Variants in LNX1 observed in about 807,000 individuals in gnomAD.
The protein encoded by LNX1 is ligand of numb-protein X 1.
LNX1 carries 54 observed loss-of-function variants against 68.4 expected under a neutral mutation model. The observed-to-expected ratio is 0.79, with a 90% CI of 0.63 to 0.99. The LOEUF (loss-of-function observed/expected upper bound fraction) is 0.99, where lower values mean the gene tolerates loss of function less well. Among genes scored for constraint, LNX1 ranks in the 50% least tolerant of loss-of-function variants. The probability of loss-of-function intolerance (pLI) is 0.00; values close to 1 mark genes in which losing one functional copy is unlikely to be tolerated. For synonymous variants in LNX1, 336 were observed against 350.0 expected, an observed-to-expected ratio of 0.96 and a Z score of 0.45; for missense variants, 906 against 926.4, an observed-to-expected ratio of 0.98 and a Z score of 0.29.
intron 2 of LNX1, among the ~76,000 whole-genome samples, chr4:53,512,508 G>GTGTGTGTGTGTGTGTA (rs371399015): frequency 0.019 from 2,868 of 149,350 alleles, 41 homozygotes; most frequent in Middle Eastern, 0.066. Flanking sequence ...GTGTGTGTGT[G>GTGTGTGTGTGTGTGTA]TGTGTGTGTG....
At chr4:53,467,433 C>A (rs573497165) in intron 9 of LNX1, among the ~76,000 whole-genome samples, 1 of 152,250 alleles carries the variant, frequency 6.6e-6, no homozygotes, top group Admixed American at 6.5e-5. Flanking sequence ...AATCAGAGCG[C>A]CTCTCCTCCT....
chr4:53,479,622 T>A (rs188783222), intron 7 of LNX1, among the ~76,000 whole-genome samples: 6 of 123,354 alleles, frequency 4.9e-5, no homozygotes, highest in Admixed American at 9.1e-5. Context: ...GAGTTACGTA[T>A]GAAAGAGATG....
At chr4:53,521,116 G>A (rs374250370) in intron 2 of LNX1, among the ~76,000 whole-genome samples, 1 of 152,202 alleles carries the variant, frequency 6.6e-6, no homozygotes, top group African/African-American at 2.4e-5. Context: ...TAACTGGAAA[G>A]GGTGGGTTTC....
chr4:53,489,124 T>C (rs561845916), intron 6 of LNX1, among the ~76,000 whole-genome samples: 63 of 152,306 alleles, frequency 4.1e-4, no homozygotes, highest in Admixed American at 1.9e-3. Context: ...CCTGATATAT[T>C]ATTAAAAAGT....
At chr4:53,563,093 C>G (rs1441107372) in intron 2 of LNX1, among the ~76,000 whole-genome samples, 1 of 152,126 alleles carries the variant, frequency 6.6e-6, no homozygotes, top group African/African-American at 2.4e-5. Flanking sequence ...GTATTCCCAG[C>G]TACTCGGGAG....
At chr4:53,533,356 T>A (rs1447599140) in intron 2 of LNX1, among the ~76,000 whole-genome samples, 1 of 152,230 alleles carries the variant, frequency 6.6e-6, no homozygotes, top group East Asian at 1.9e-4. Context: ...ACAGTCATTC[T>A]TAATCAGGGG....
intron 2 of LNX1, among the ~76,000 whole-genome samples, chr4:53,508,900 C>T (rs1171481802): frequency 1.3e-5 from 2 of 151,172 alleles, no homozygotes; most frequent in Non-Finnish European, 2.9e-5. Context: ...TGGTTTTTAG[C>T]AAAAACATAT....
At chr4:53,608,434 A>C (rs1560692386) in intron 2 of LNX1, among the ~76,000 whole-genome samples, 1 of 152,214 alleles carries the variant, frequency 6.6e-6, no homozygotes, top group Non-Finnish European at 1.5e-5. Context: ...CACCAGTCAG[A>C]ATGGCTATTA....
intron 1 of LNX1, chr4:53,579,379 T>C (rs966459733): frequency 2.3e-5 from 13 of 558,890 alleles, no homozygotes; most frequent in Admixed American, 6.3e-5. Context: ...TTTAGAGATA[T>C]ATGGAGCCAA....
At chr4:53,520,401 G>A (rs1179203715) in intron 2 of LNX1, among the ~76,000 whole-genome samples, 1 of 152,200 alleles carries the variant, frequency 6.6e-6, no homozygotes, top group African/African-American at 2.4e-5. Context: ...GGATGGTCGA[G>A]GGCTTGGGCA....
intron 2 of LNX1, among the ~76,000 whole-genome samples, chr4:53,534,415 G>A (rs1489219279): frequency 1.2e-4 from 6 of 50,310 alleles, no homozygotes; most frequent in African/African-American, 3.0e-4. Context: ...GAGGCAGGAG[G>A]GTCTCGAGCC....
At chr4:53,534,588 G>A (rs1728240176) in intron 2 of LNX1, among the ~76,000 whole-genome samples, 1 of 152,170 alleles carries the variant, frequency 6.6e-6, no homozygotes, top group Non-Finnish European at 1.5e-5. Flanking sequence ...GTTGCAAAGA[G>A]CTATGGTCAC....
At chr4:53,486,913 CAT>C in intron 6 of LNX1, among the ~76,000 whole-genome samples, 1 of 148,698 alleles carries the variant, frequency 6.7e-6, no homozygotes, top group Non-Finnish European at 1.5e-5. Context: ...AGAAGAAAAA[CAT>C]AGTCCAGAAG....
chr4:53,511,828 A>G (rs1380681500), intron 2 of LNX1, among the ~76,000 whole-genome samples: 2 of 152,204 alleles, frequency 1.3e-5, no homozygotes. Flanking sequence ...GTCACCCAAC[A>G]GGGCAGCGTG....
At chr4:53,519,643 T>TTGATTAAATCTTGTTGATTTAA (rs1727056332) in intron 2 of LNX1, among the ~76,000 whole-genome samples, 1 of 91,756 alleles carries the variant, frequency 1.1e-5, no homozygotes, top group Non-Finnish European at 2.2e-5. Flanking sequence ...TTAAGCCCTG[T>TTGATTAAATCTTGTTGATTTAA]GTCTGTCAAG....
chr4:53,642,724 C>A (rs192048766), intron 1 of LNX1, among the ~76,000 whole-genome samples: 7 of 152,124 alleles, frequency 4.6e-5, no homozygotes, highest in African/African-American at 1.7e-4. Flanking sequence ...AGCAAGCCTG[C>A]GGGGTCTGAG....
At position 53,459,635 on chromosome 4, in the gene LNX1, C is replaced by T. The variant is rs1721392525; in HGVS notation, c.*1272G>A. 1 of 780,116 alleles carries T rather than the reference C, an allele frequency of 1.3e-6. No homozygotes were observed. Among genetic ancestry groups the T allele is most frequent in the Non-Finnish European group, 2.0e-6 (1 of 489,918 alleles). 48.3% of individuals were successfully genotyped at this position (780,116 alleles called of 1,614,324 possible). On this transcript the variant is annotated 3_prime_UTR_variant, in exon 11 of 11. Transcript: ENST00000263925. ...TTAAGTTAAAAATCTTTGTCTTGTA[C>T]TATTTCAAAAATAAAAAGACAGCAA...
intron 1 of LNX1, among the ~76,000 whole-genome samples, chr4:53,650,275 G>T (rs996126166): frequency 1.3e-5 from 2 of 152,188 alleles, no homozygotes; most frequent in African/African-American, 2.4e-5. Context: ...ACCTGTGCGG[G>T]GTGTGGAGGA....
At chr4:53,575,670 G>T (rs1731436672) in intron 1 of LNX1, 2 of 1,384,068 alleles carry the variant, frequency 1.4e-6, no homozygotes, top group Admixed American at 2.6e-5. Flanking sequence ...TCTGCATCTG[G>T]GACCCACCCC....
Sources: gnomAD v4.1 joint callset for allele counts (sites outside exome capture counted in the v4.1 genomes callset) on GRCh38, gnomAD v4.1.1 for gene constraint, MANE v1.5 for transcripts, NCBI Gene and HGNC (gene_info 2026-07-23, HGNC 2026-07-21) for gene names.